FXN: variants seen among roughly 807,000 people sequenced by gnomAD.
FXN encodes frataxin.
Under a neutral mutation model 22.4 loss-of-function variants are expected in FXN, and 14 were observed. The ratio of observed to expected loss-of-function variants is 0.62; its 90% confidence interval spans 0.41 to 0.98. FXN has a LOEUF of 0.98. Among genes scored for constraint, FXN ranks in the 50% least tolerant of loss-of-function variants. The pLI, the probability that FXN is intolerant of heterozygous loss-of-function variation, is 0.00. For synonymous variants in FXN, 120 were observed against 114.1 expected (o/e 1.05, Z -0.33); for missense variants, 267 against 268.4 (o/e 0.99, Z 0.04).
At chr9:69,043,143 C>T (rs933486591) in intron 1 of FXN, among the ~76,000 whole-genome samples, 2 of 152,206 alleles carry the variant, frequency 1.3e-5, no homozygotes, top group Non-Finnish European at 2.9e-5. Flanking sequence ...CTCCTCCAGG[C>T]TCATGTTCCC....
At chr9:69,070,881 G>A (rs1043868256) in intron 4 of FXN, among the ~76,000 whole-genome samples, 3 of 148,280 alleles carry the variant, frequency 2.0e-5, no homozygotes, top group Non-Finnish European at 4.5e-5. Flanking sequence ...TTGTTGCCTA[G>A]GTTGGTCTGA....
In FXN at chr9:69,035,871, C is replaced by T. The variant is rs1339514881; in HGVS notation, c.89C>T (p.Pro30Leu). Reference sequence around the variant, plus strand: ...CAGACCCTCACCCGGGTCCCGCGGCCGGCAGAGTTGGCCCCACTCTGCGGC... The same window carrying T: ...CAGACCCTCACCCGGGTCCCGCGGCTGGCAGAGTTGGCCCCACTCTGCGGC... ...QAQTLTRVPRPAELAPLCGRR... is the reference protein window; with the variant it reads ...QAQTLTRVPRLAELAPLCGRR... Residue 30 changes from proline to leucine, a missense_variant, in exon 1 of 5, where the codon CCG (proline) becomes CTG (leucine). Coordinates refer to ENST00000484259, the MANE Select transcript of FXN (RefSeq NM_000144.5). 4 of 1,496,220 alleles carry T rather than the reference C, an allele frequency of 2.7e-6. No individual in the cohort carries two copies. Among genetic ancestry groups the T allele is most frequent in the Non-Finnish European group, 2.7e-6 (3 of 1,129,616 alleles). 92.7% of individuals were successfully genotyped at this position (1,496,220 alleles called of 1,614,324 possible). A position where few individuals can be genotyped will look rare whatever the true frequency, so the allele number is the denominator to read the frequency against.
At chr9:69,049,039 T>C (rs1831807795) in intron 2 of FXN, among the ~76,000 whole-genome samples, 2 of 152,174 alleles carry the variant, frequency 1.3e-5, no homozygotes, top group African/African-American at 4.8e-5. Context: ...TTACTCCTTC[T>C]GGCAGTTCTG....
At chr9:69,049,962 C>T (rs1831821929) in intron 2 of FXN, among the ~76,000 whole-genome samples, 1 of 152,022 alleles carries the variant, frequency 6.6e-6, no homozygotes, top group African/African-American at 2.4e-5. Context: ...ATGAACATAC[C>T]CTGTAAGCTC....
chr9:69,063,198 AAAAC>A (rs898052135), intron 3 of FXN, among the ~76,000 whole-genome samples: 44 of 152,180 alleles, frequency 2.9e-4, no homozygotes, highest in African/African-American at 1.0e-3. Flanking sequence ...CCCTGTTGTA[AAAAC>A]AAACAAACAA....
chr9:69,044,365 T>C (rs1178309927), intron 1 of FXN, among the ~76,000 whole-genome samples: 1 of 152,202 alleles, frequency 6.6e-6, no homozygotes, highest in African/African-American at 2.4e-5. Flanking sequence ...CTCTCACTTC[T>C]TCAGAGACAT....
chr9:69,072,869 T>G lies in FXN; in HGVS notation c.*107T>G, dbSNP rs922401473. ...TGTTGTTGTTGTTTATTTTTTTTAT[T>G]CCTGCTTTTGAGGACAGTTGGGCTA... is the stretch of plus-strand genomic sequence containing the variant. On this transcript the variant is annotated 3_prime_UTR_variant, in exon 5 of 5. Coordinates refer to ENST00000484259, the MANE Select transcript of FXN (RefSeq NM_000144.5). The G allele has an allele frequency of 6.3e-7, 1 of 1,589,040 alleles. No homozygotes were observed. The highest frequency in any genetic ancestry group is 8.5e-7 in the Non-Finnish European group (1 of 1,172,210).
Position 69,074,203 on chromosome 9 carries a change from AAT to A in FXN, c.*1443_*1444del. The A allele has an allele frequency of 2.3e-6, 2 of 880,294 alleles. No individual in the cohort carries two copies. The highest frequency in any genetic ancestry group is 6.0e-4 in the Middle Eastern group (1 of 1,680). 54.5% of individuals were successfully genotyped at this position (880,294 alleles called of 1,614,324 possible). ...TGTCTCAAAATAATAATAACAATAT[AAT>A]AATAATAATAGCCATCCTTTATTGT... On this transcript the variant is annotated 3_prime_UTR_variant, in exon 5 of 5. Coordinates refer to ENST00000484259, the MANE Select transcript of FXN (RefSeq NM_000144.5).
At chr9:69,053,008 A>T in intron 2 of FXN, 132 bp from the exon 3 acceptor site, 1 of 1,035,642 alleles carries the variant, frequency 9.7e-7, no homozygotes, top group Non-Finnish European at 1.3e-6. Flanking sequence ...AAAAAAAAAG[A>T]AAGAAAAACT....
chr9:69,053,507 G>GGATGGATGGATGGATAGATAGATA (rs1191286626), intron 3 of FXN, among the ~76,000 whole-genome samples: 1 of 150,664 alleles, frequency 6.6e-6, no homozygotes, highest in African/African-American at 2.5e-5. Context: ...ATGGATGGAT[G>GGATGGATGGATGGATAGATAGATA]GATAGATAGA....
intron 1 of FXN, among the ~76,000 whole-genome samples, chr9:69,039,221 C>G (rs942751804): frequency 2.1e-4 from 32 of 151,474 alleles, no homozygotes; most frequent in African/African-American, 7.5e-4. Context: ...GCACCACTGC[C>G]TTCCAACCTG....
intron 1 of FXN, 21 bp downstream of exon 1, chr9:69,035,968 C>T (rs1831542122): frequency 4.9e-6 from 7 of 1,431,784 alleles, no homozygotes; most frequent in Non-Finnish European, 6.4e-6. Flanking sequence ...GCGCCGGGAA[C>T]AGCCGCGGGC....
intron 1 of FXN, among the ~76,000 whole-genome samples, chr9:69,037,281 A>AAAAAAAAAG (rs752644897): frequency 1.6e-4 from 1 of 6,112 alleles, no homozygotes; most frequent in African/African-American, 2.8e-4. Flanking sequence ...AAAAAAAAAA[A>AAAAAAAAAG]AAAAAGAAGA....
chr9:69,049,676 T>C (rs1486191843), intron 2 of FXN, among the ~76,000 whole-genome samples: 1 of 152,194 alleles, frequency 6.6e-6, no homozygotes, highest in African/African-American at 2.4e-5. Flanking sequence ...AAACTAACCA[T>C]TTTAAAATGT....
intron 4 of FXN, among the ~76,000 whole-genome samples, chr9:69,070,329 G>A (rs1832251603): frequency 6.6e-6 from 1 of 152,196 alleles, no homozygotes; most frequent in Non-Finnish European, 1.5e-5. Flanking sequence ...TGACCACAAT[G>A]GGAAGAAACC....
At chr9:69,044,203 A>G (rs1831706794) in intron 1 of FXN, among the ~76,000 whole-genome samples, 1 of 152,212 alleles carries the variant, frequency 6.6e-6, no homozygotes, top group Non-Finnish European at 1.5e-5. Flanking sequence ...GTAGCACATA[A>G]CTACCAAGAA....
At position 69,075,383 on chromosome 9, in the gene FXN, C is replaced by G; in HGVS notation, c.*2621C>G. Reference sequence around the variant, plus strand: ...GCTGAGGCAGGAGAATCGCTGTAACCTGGGGGGTGGAGGTTGCAGTGAGAC... The same window carrying G: ...GCTGAGGCAGGAGAATCGCTGTAACGTGGGGGGTGGAGGTTGCAGTGAGAC... On this transcript the variant is annotated 3_prime_UTR_variant, in exon 5 of 5. Transcript: ENST00000484259. 1 of 717,358 alleles carries G rather than the reference C, an allele frequency of 1.4e-6. No homozygotes were observed. The highest frequency in any genetic ancestry group is 1.7e-6 in the Non-Finnish European group (1 of 586,212). 44.4% of individuals were successfully genotyped at this position (717,358 alleles called of 1,614,324 possible). A position where few individuals can be genotyped will look rare whatever the true frequency, so the allele number is the denominator to read the frequency against.
Position 69,075,737 on chromosome 9 carries a change from T to C in FXN, c.*2975T>C. On this transcript the variant is annotated 3_prime_UTR_variant, in exon 5 of 5. Coordinates refer to ENST00000484259, the MANE Select transcript of FXN (RefSeq NM_000144.5). ...AATCTTAGAAAACTTTTTTTTCCCC[T>C]TTCTATTTTTTGAGACAGGATCTCA... 1 of 978,962 alleles carries C rather than the reference T, an allele frequency of 1.0e-6. No individual in the cohort carries two copies. The highest frequency in any genetic ancestry group is 1.7e-5 in the African/African-American group (1 of 57,180). 60.6% of individuals were successfully genotyped at this position (978,962 alleles called of 1,614,324 possible). A position where few individuals can be genotyped will look rare whatever the true frequency, so the allele number is the denominator to read the frequency against.
chr9:69,037,414 C>G (rs1831583744), intron 1 of FXN, among the ~76,000 whole-genome samples: 1 of 151,864 alleles, frequency 6.6e-6, no homozygotes, highest in Non-Finnish European at 1.5e-5. Flanking sequence ...TGCATTAAGC[C>G]AAGATCGCCC....
Sources: gnomAD v4.1 joint callset for allele counts (sites outside exome capture counted in the v4.1 genomes callset) on GRCh38, gnomAD v4.1.1 for gene constraint, MANE v1.5 for transcripts, NCBI Gene and HGNC (gene_info 2026-07-23, HGNC 2026-07-21) for gene names.